PDE4D: variants seen among roughly 807,000 people sequenced by gnomAD.
PDE4D encodes the protein phosphodiesterase 4D, also known as 3',5'-cyclic-AMP phosphodiesterase 4D.
Under a neutral mutation model 87.4 loss-of-function variants are expected in PDE4D, and 24 were observed. The observed-to-expected ratio is 0.27, with a 90% confidence interval of 0.20 to 0.39. PDE4D has a LOEUF of 0.39. Ranked by LOEUF, PDE4D falls within the 10% of genes least tolerant of loss-of-function variation. The pLI, the probability that PDE4D is intolerant of heterozygous loss-of-function variation, is 1.00. For missense variants in PDE4D, 714 were observed against 1,041.0 expected, an observed-to-expected ratio of 0.69 and a Z score of 4.32; for synonymous variants, 384 against 383.2, an observed-to-expected ratio of 1.00 and a Z score of -0.02.
At chr5:60,185,121 GGTA>G (rs1392401077) in intron 2 of PDE4D, among the ~76,000 whole-genome samples, 1 of 152,000 alleles carries the variant, frequency 6.6e-6, no homozygotes, top group African/African-American at 2.4e-5. Flanking sequence ...TATATGCCAG[GGTA>G]GAAAGCTCAT....
intron 2 of PDE4D, among the ~76,000 whole-genome samples, chr5:60,182,401 A>G (rs778312761): frequency 2.0e-5 from 3 of 152,244 alleles, no homozygotes; most frequent in Non-Finnish European, 2.9e-5. Context: ...TTATTAAATC[A>G]ATCATCCCTT....
At position 59,658,740 on chromosome 5, in the gene PDE4D, G is replaced by T. The variant is rs527444138; in HGVS notation, c.455+234428C>A. Reference sequence around the variant, plus strand: ...CTCCAGCAGTCAACAAATATACATTGCCAATGCCAAAGATATTCCTTTATT... The same window carrying T: ...CTCCAGCAGTCAACAAATATACATTTCCAATGCCAAAGATATTCCTTTATT... On this transcript the variant is annotated intron_variant, in intron 1 of 14. Transcript: ENST00000340635. Among the ~76,000 whole-genome samples, 274 of 152,276 alleles carry T rather than the reference G, an allele frequency of 1.8e-3. 2 individuals carry two copies. Among genetic ancestry groups the T allele is most frequent in the African/African-American group, 6.4e-3 (267 of 41,558 alleles).
intron 1 of PDE4D, among the ~76,000 whole-genome samples, chr5:59,341,490 T>C (rs1778712260): frequency 6.6e-6 from 1 of 152,200 alleles, no homozygotes; most frequent in East Asian, 1.9e-4. Flanking sequence ...TTTGAAATTT[T>C]TACAAAGTTA....
intron 2 of PDE4D, among the ~76,000 whole-genome samples, chr5:60,059,147 G>A (rs768115320): frequency 2.7e-5 from 4 of 150,706 alleles, no homozygotes; most frequent in Non-Finnish European, 5.9e-5. Context: ...TAATGTAATT[G>A]GCAAAACCCA....
chr5:59,070,817 T>G (rs955824982), intron 5 of PDE4D, among the ~76,000 whole-genome samples: 1 of 152,200 alleles, frequency 6.6e-6, no homozygotes, highest in African/African-American at 2.4e-5. Context: ...TCAAGAATTT[T>G]ATTAAATTCA....
rs1786801552 is a variant in PDE4D, at chr5:59,385,556, G to T, written c.456-169588C>A. Among the ~76,000 whole-genome samples the T allele has an allele frequency of 2.0e-5, 3 of 152,168 alleles. No individual in the cohort carries two copies. The South Asian group carries it at 6.2e-4, about 31-fold the overall frequency. Reference sequence around the variant, plus strand: ...GCAAGGTTTCAGCATTCATGATGCTGACTCTTCTGGATGTTGAAATGCACT... The same window carrying T: ...GCAAGGTTTCAGCATTCATGATGCTTACTCTTCTGGATGTTGAAATGCACT... On this transcript the variant is annotated intron_variant, in intron 1 of 14. Coordinates refer to ENST00000340635, the MANE Select transcript of PDE4D (RefSeq NM_001104631.2).
chr5:59,068,578 G>A (rs1764279517), intron 5 of PDE4D, among the ~76,000 whole-genome samples: 1 of 152,086 alleles, frequency 6.6e-6, no homozygotes, highest in African/African-American at 2.4e-5. Context: ...TCTTATTAAT[G>A]TTATATGCAA....
chr5:59,206,847 T>C (rs1006098627), intron 2 of PDE4D, among the ~76,000 whole-genome samples: 7 of 152,172 alleles, frequency 4.6e-5, no homozygotes, highest in Admixed American at 1.3e-4. Context: ...AAGTCAACTT[T>C]CTTCTTCTTC....
At chr5:59,872,300 C>CACACACACACACACACACACAGA (rs10693446) in intron 1 of PDE4D, among the ~76,000 whole-genome samples, 1 of 146,862 alleles carries the variant, frequency 6.8e-6, no homozygotes, top group African/African-American at 2.6e-5. Context: ...CACACACACA[C>CACACACACACACACACACACAGA]AAGAGCACAC....
At chr5:59,457,470 T>G (rs1411765109) in intron 1 of PDE4D, among the ~76,000 whole-genome samples, 4 of 152,258 alleles carry the variant, frequency 2.6e-5, no homozygotes, top group African/African-American at 9.6e-5. Context: ...CTCACTTTAT[T>G]GGAATATTCA....
At position 59,681,978 on chromosome 5, in the gene PDE4D, G is replaced by C. The variant is rs577484912; in HGVS notation, c.455+211190C>G. 4.6e-5 allele frequency among the ~76,000 whole-genome samples: 7 copies of C among 151,094 alleles called. No individual in the cohort carries two copies. In the South Asian group the frequency reaches 1.0e-3, roughly 23 times the overall value. On this transcript the variant is annotated intron_variant, in intron 1 of 14. Coordinates refer to ENST00000340635, the MANE Select transcript of PDE4D (RefSeq NM_001104631.2). The stretch of plus-strand genomic sequence containing the variant: ...CATGTGATACCTTTCATCATGTCAT[G>C]ATGCAGCAGGAAAAAGGACTGCACC...
intron 1 of PDE4D, among the ~76,000 whole-genome samples, chr5:60,306,768 G>T (rs1754534848): frequency 6.6e-6 from 1 of 152,014 alleles, no homozygotes; most frequent in African/African-American, 2.4e-5. Flanking sequence ...AAAACATGAA[G>T]TGATGAAACT....
intron 1 of PDE4D, among the ~76,000 whole-genome samples, chr5:59,343,888 C>T (rs763201084): frequency 1.7e-4 from 26 of 152,052 alleles, no homozygotes; most frequent in Non-Finnish European, 3.5e-4. Flanking sequence ...AAATCTAGTT[C>T]AGCCGGCTGC....
At chr5:59,838,727 C>T (rs1742526847) in intron 1 of PDE4D, among the ~76,000 whole-genome samples, 1 of 152,034 alleles carries the variant, frequency 6.6e-6, no homozygotes, top group Admixed American at 6.5e-5. Context: ...ATGCTTTTCA[C>T]CTCAAAGGCA....
intron 1 of PDE4D, among the ~76,000 whole-genome samples, chr5:60,283,452 C>T (rs13158573): frequency 0.19 from 28,485 of 152,018 alleles, 3,373 homozygotes; most frequent in African/African-American, 0.33. Context: ...TAATTCTGCA[C>T]ACAATCAAAG....
At position 59,900,932 on chromosome 5, in the gene PDE4D, T is replaced by C. The variant is rs562490438; in HGVS notation, c.272+87556A>G. Among the ~76,000 whole-genome samples the C allele has an allele frequency of 9.9e-5, 15 of 152,266 alleles. No individual in the cohort carries two copies. The South Asian group carries it at 3.1e-3, about 32-fold the overall frequency. ...TAGTTTGAGATGATGAAAAGTAATG[T>C]GGTAGGTAGGCATTGGTAAGGCAAA... On this transcript the variant is annotated intron_variant, in intron 3 of 16. Coordinates refer to the PDE4D transcript ENST00000502484.
At chr5:59,556,938 C>A (rs1448409108) in intron 1 of PDE4D, among the ~76,000 whole-genome samples, 2 of 152,098 alleles carry the variant, frequency 1.3e-5, no homozygotes, top group African/African-American at 4.8e-5. Flanking sequence ...TAGGCAAATA[C>A]ATAAAATGAC....
intron 1 of PDE4D, among the ~76,000 whole-genome samples, chr5:60,331,582 C>G (rs751636855): frequency 7.2e-5 from 11 of 152,190 alleles, no homozygotes; most frequent in African/African-American, 1.2e-4. Flanking sequence ...TTTGGACTAC[C>G]CTGGCAGGAA....
chr5:59,536,173 T>C (rs1388545226), intron 1 of PDE4D, among the ~76,000 whole-genome samples: 1 of 152,044 alleles, frequency 6.6e-6, no homozygotes, highest in Admixed American at 6.5e-5. Context: ...AAATGGAATA[T>C]ATCAAATACA....
Sources: allele counts gnomAD v4.1 joint callset (sites outside exome capture counted in the v4.1 genomes callset), GRCh38; gene constraint gnomAD v4.1.1; transcripts MANE v1.5; gene names NCBI Gene and HGNC (gene_info 2026-07-23, HGNC 2026-07-21).